Variants in ERCC4 observed in about 807,000 individuals in gnomAD.
The protein encoded by ERCC4 is ERCC excision repair 4, endonuclease catalytic subunit.
ERCC4 carries 65 observed loss-of-function variants against 76.9 expected under a neutral mutation model. That is an observed-to-expected ratio of 0.84 (90% CI 0.69 to 1.04). ERCC4 has a LOEUF of 1.04. ERCC4 is among the 50% of genes least tolerant of loss of function. The pLI is 0.00. For missense variants in ERCC4, 1,214 were observed against 1,128.2 expected, an observed-to-expected ratio of 1.08 and a Z score of -1.09; for synonymous variants, 463 against 410.1, an observed-to-expected ratio of 1.13 and a Z score of -1.56.
Position 13,949,878 on chromosome 16 carries a change from G to C in ERCC4, c.*1531G>C, listed in dbSNP as rs1190257329. 8.6e-6 allele frequency: 2 copies of C among 232,412 alleles called. No individual in the cohort carries two copies. Among genetic ancestry groups the C allele is most frequent in the Non-Finnish European group, 1.7e-5 (2 of 117,698 alleles). 14.4% of individuals were successfully genotyped at this position (232,412 alleles called of 1,614,324 possible). A position where few individuals can be genotyped will look rare whatever the true frequency, so the allele number is the denominator to read the frequency against. Reference sequence around the variant, plus strand: ...ATATTTTAATGTTTCATCAACATCAGCTGTTTTTTTGTTTGCTACACTATT... The same window carrying C: ...ATATTTTAATGTTTCATCAACATCACCTGTTTTTTTGTTTGCTACACTATT... On this transcript the variant is annotated 3_prime_UTR_variant, in exon 11 of 11. Coordinates refer to ENST00000311895, the MANE Select transcript of ERCC4 (RefSeq NM_005236.3).
In ERCC4 at chr16:13,920,227, A is replaced by C. The variant is rs756494000; in HGVS notation, c.62A>C (p.Gln21Pro). 1.9e-6 allele frequency: 3 copies of C among 1,607,872 alleles called. No individual in the cohort carries two copies. Among genetic ancestry groups the C allele is most frequent in the African/African-American group, 1.3e-5 (1 of 74,944 alleles). The change falls in exon 1 of 11, where the codon CAG becomes CCG. Residue 21 changes from glutamine to proline, a missense_variant. Physicochemically the swap from Gln to Pro is moderately conservative, Grantham distance 76. Transcript: ENST00000311895. ...AMAPLLEYER[Q>P]LVLELLDTDG... ...GCGCCGCTGCTGGAGTACGAGCGACAGCTGGTGCTGGAACTGCTCGACACT... is the reference window on the plus strand; with the variant it reads ...GCGCCGCTGCTGGAGTACGAGCGACCGCTGGTGCTGGAACTGCTCGACACT...
chr16:13,934,337 A>T, intron 7 of ERCC4, 35 bp downstream of exon 7: 1 of 1,320,254 alleles, frequency 7.6e-7, no homozygotes, highest in Non-Finnish European at 1.1e-6. Flanking sequence ...TTTGCTTCCA[A>T]AATCTATCAA....
Position 13,922,183 on chromosome 16 carries a change from T to C in ERCC4, c.360T>C (p.Thr120=). ...TSRILVVDFL[T]DRIPSDLITG... is the part of the protein sequence containing the mutation. ...GGATACTTGTGGTTGACTTCTTGAC[T>C]GATAGAATACCTTCAGATTTAATTA... The change falls in exon 2 of 11, where the codon ACT becomes ACC. Residue 120 remains threonine (T), a synonymous_variant. Transcript: ENST00000311895. 6.2e-7 allele frequency: 1 copy of C among 1,610,806 alleles called. No homozygotes were observed. Among genetic ancestry groups the C allele is most frequent in the Non-Finnish European group, 8.5e-7 (1 of 1,177,038 alleles).
chr16:13,929,967 T>C (rs1266117856), intron 4 of ERCC4, among the ~76,000 whole-genome samples: 1 of 151,922 alleles, frequency 6.6e-6, no homozygotes, highest in African/African-American at 2.4e-5. Context: ...CATCTCAAAA[T>C]AATAATAATA....
intron 10 of ERCC4, among the ~76,000 whole-genome samples, chr16:13,946,570 C>T (rs1178613406): frequency 1.3e-5 from 2 of 152,206 alleles, no homozygotes; most frequent in Non-Finnish European, 2.9e-5. Flanking sequence ...TAATAGGTTG[C>T]AGGGATTTGG....
chr16:13,944,825 T>C lies in ERCC4; in HGVS notation c.2007T>C (p.Thr669=), dbSNP rs376422457. The C allele has an allele frequency of 6.2e-7, 1 of 1,609,792 alleles. No individual in the cohort carries two copies. The highest frequency in any genetic ancestry group is 8.5e-7 in the Non-Finnish European group (1 of 1,176,106). The change falls in exon 10 of 11, where the codon ACT becomes ACC. Residue 669 remains threonine (T), a synonymous_variant. Transcript: ENST00000311895. Reference sequence around the variant, plus strand: ...CATCTGCAGATGTTTCCACTGACACTCGGAAAGCCGGTGAGTCCTGCACTT... The same window carrying C: ...CATCTGCAGATGTTTCCACTGACACCCGGAAAGCCGGTGAGTCCTGCACTT... ...GTASADVSTD[T]RKAGGQEQNG... is the part of the protein sequence containing the mutation.
chr16:13,924,953 C>T (rs1478873257), intron 2 of ERCC4, among the ~76,000 whole-genome samples: 1 of 152,058 alleles, frequency 6.6e-6, no homozygotes, highest in African/African-American at 2.4e-5. Context: ...AAAAACCTAA[C>T]CTGCTTCTAT....
At chr16:13,934,523 T>C (rs968207520) in intron 7 of ERCC4, 1 of 515,084 alleles carries the variant, frequency 1.9e-6, no homozygotes, top group Non-Finnish European at 3.5e-6. Flanking sequence ...TTTGATGTTG[T>C]TTTCTCCAGG....
At chr16:13,945,625 T>C (rs2032498884) in intron 10 of ERCC4, among the ~76,000 whole-genome samples, 1 of 152,194 alleles carries the variant, frequency 6.6e-6, no homozygotes, top group South Asian at 2.1e-4. Context: ...CCTCAATTCA[T>C]AGAAATTCCA....
chr16:13,926,614 A>T lies in ERCC4; in HGVS notation c.442A>T (p.Ile148Phe). 1 of 1,614,176 alleles carries T rather than the reference A, an allele frequency of 6.2e-7. No individual in the cohort carries two copies. Among genetic ancestry groups the T allele is most frequent in the Non-Finnish European group, 8.5e-7 (1 of 1,180,014 alleles). ...RIIESCQEAFILRLFRQKNKR... is the reference protein window; with the variant it reads ...RIIESCQEAFFLRLFRQKNKR... Reference sequence around the variant, plus strand: ...AATCGAGTCTTGTCAAGAAGCATTCATCTTGCGCCTCTTTCGCCAGAAAAA... The same window carrying T: ...AATCGAGTCTTGTCAAGAAGCATTCTTCTTGCGCCTCTTTCGCCAGAAAAA... The change falls in exon 3 of 11, where the codon ATC (isoleucine) becomes TTC (phenylalanine). Residue 148 changes from isoleucine (I) to phenylalanine (F), a missense_variant. By Grantham distance (21) the Ile-to-Phe change is conservative. Transcript: ENST00000311895.
chr16:13,946,982 A>C (rs1244112234), intron 10 of ERCC4, among the ~76,000 whole-genome samples: 1 of 152,082 alleles, frequency 6.6e-6, no homozygotes, highest in South Asian at 2.1e-4. Flanking sequence ...GGATGGTCTC[A>C]AACTCCTTTC....
chr16:13,925,778 C>A (rs948717055), intron 2 of ERCC4, among the ~76,000 whole-genome samples: 4 of 152,088 alleles, frequency 2.6e-5, no homozygotes, highest in Non-Finnish European at 5.9e-5. Context: ...TGTCTGTATG[C>A]CTTTATGTCA....
At chr16:13,930,962 G>C in intron 5 of ERCC4, 72 bp downstream of exon 5, 1 of 1,018,720 alleles carries the variant, frequency 9.8e-7, no homozygotes, top group Non-Finnish European at 1.5e-6. Flanking sequence ...GGGGGAATCA[G>C]GTGTGAAAAG....
intron 3 of ERCC4, among the ~76,000 whole-genome samples, chr16:13,927,128 TTACTC>T (rs2032087130): frequency 6.6e-6 from 1 of 152,224 alleles, no homozygotes; most frequent in Non-Finnish European, 1.5e-5. Context: ...GCTTTGAAAA[TTACTC>T]AACAGGGAAA....
At position 13,922,122 on chromosome 16, in the gene ERCC4, T is replaced by A; in HGVS notation, c.299T>A (p.Val100Asp). The A allele has an allele frequency of 3.7e-6, 6 of 1,613,692 alleles. No homozygotes were observed. Among genetic ancestry groups the A allele is most frequent in the Non-Finnish European group, 5.1e-6 (6 of 1,179,590 alleles). Residue 100 changes from valine (V) to aspartate (D), a missense_variant, in exon 2 of 11, where the codon GTT becomes GAT. Transcript: ENST00000311895. ...ATCACAAGCAACAGTCGCTATGAAGTTTACACACAAGGTGGTGTTATATTT... is the reference window on the plus strand; with the variant it reads ...ATCACAAGCAACAGTCGCTATGAAGATTACACACAAGGTGGTGTTATATTT... ...NEITSNSRYE[V>D]YTQGGVIFAT... is the part of the protein sequence containing the mutation.
At position 13,947,851 on chromosome 16, in the gene ERCC4, A is replaced by G. The variant is rs1372392710; in HGVS notation, c.2255A>G (p.Tyr752Cys). ...CAGTGCATCTCCATGTCCCGCTACT[A>G]CAAGCGTCCCGTGCTTCTGATTGAG... is the stretch of plus-strand genomic sequence containing the variant. ...YSQCISMSRYYKRPVLLIEFD... is the reference protein window; with the variant it reads ...YSQCISMSRYCKRPVLLIEFD... Residue 752 changes from tyrosine (Y) to cysteine (C), a missense_variant, in exon 11 of 11, where the codon TAC (tyrosine) becomes TGC (cysteine). Coordinates refer to ENST00000311895, the MANE Select transcript of ERCC4 (RefSeq NM_005236.3). 8 of 1,614,168 alleles carry G rather than the reference A, an allele frequency of 5.0e-6. No individual in the cohort carries two copies. Among genetic ancestry groups the G allele is most frequent in the Admixed American group, 3.3e-5 (2 of 60,022 alleles).
At position 13,934,229 on chromosome 16, in the gene ERCC4, G is replaced by T; in HGVS notation, c.1140G>T (p.Lys380Asn). ...KKELVLESNP[K>N]WEALTEVLKE... ...AACTGGTCCTAGAAAGCAACCCAAA[G>T]TGGGAGGCACTGACTGAAGTATTAA... The change falls in exon 7 of 11, where the codon AAG becomes AAT. Residue 380 changes from lysine to asparagine, a missense_variant. Coordinates refer to ENST00000311895, the MANE Select transcript of ERCC4 (RefSeq NM_005236.3). 1 of 1,613,372 alleles carries T rather than the reference G, an allele frequency of 6.2e-7. No homozygotes were observed.
At chr16:13,925,434 G>T (rs895180956) in intron 2 of ERCC4, among the ~76,000 whole-genome samples, 1 of 151,876 alleles carries the variant, frequency 6.6e-6, no homozygotes, top group South Asian at 2.1e-4. Context: ...GTATTGGGGG[G>T]GTTATTGAAA....
rs1316903788 is a variant in ERCC4, at chr16:13,928,075, T to C, written c.632T>C (p.Val211Ala). ...NSFLEQHKPE[V>A]VEIHVSMTPT... ...TTTTTAGAACAGCACAAACCTGAAGTTGTAGAAATCCATGTTTCTATGACA... is the reference window on the plus strand; with the variant it reads ...TTTTTAGAACAGCACAAACCTGAAGCTGTAGAAATCCATGTTTCTATGACA... The change falls in exon 4 of 11, where the codon GTT becomes GCT. Residue 211 changes from valine to alanine, a missense_variant. Coordinates refer to ENST00000311895, the MANE Select transcript of ERCC4 (RefSeq NM_005236.3). 1 of 1,613,792 alleles carries C rather than the reference T, an allele frequency of 6.2e-7. No individual in the cohort carries two copies. Among genetic ancestry groups the C allele is most frequent in the Non-Finnish European group, 8.5e-7 (1 of 1,179,856 alleles).
Sources: allele counts gnomAD v4.1 joint callset (sites outside exome capture counted in the v4.1 genomes callset), GRCh38; gene constraint gnomAD v4.1.1; transcripts MANE v1.5; gene names NCBI Gene and HGNC (gene_info 2026-07-23, HGNC 2026-07-21).